The following SP4 variants were observed in gnomAD, a reference collection of about 807,000 sequenced individuals.
SP4 encodes the protein Sp4 transcription factor.
Under a neutral mutation model 72.8 loss-of-function variants are expected in SP4, and 19 were observed. The observed-to-expected ratio is 0.26, with a 90% CI of 0.18 to 0.38. The LOEUF is 0.38. Ranked by LOEUF, SP4 falls within the 10% of genes least tolerant of loss-of-function variation. The pLI, the probability that SP4 is intolerant of heterozygous loss-of-function variation, is 1.00. For synonymous variants in SP4, 395 were observed against 333.1 expected, an observed-to-expected ratio of 1.19 and a Z score of -2.02; for missense variants, 1,008 against 926.3, an observed-to-expected ratio of 1.09 and a Z score of -1.14.
intron 5 of SP4, among the ~76,000 whole-genome samples, chr7:21,500,830 C>T (rs1377702994): frequency 1.3e-5 from 2 of 152,182 alleles, no homozygotes; most frequent in Non-Finnish European, 2.9e-5. Flanking sequence ...CTATATTAAG[C>T]TCCATAACTT....
In SP4 at chr7:21,430,681, A is replaced by C; in HGVS notation, c.1516A>C (p.Thr506Pro). Residue 506 changes from threonine to proline, a missense_variant, in exon 3 of 6, where the codon ACT becomes CCT. By Grantham distance (38) the Thr-to-Pro change is conservative. Around this residue, in one of 3 missense-constraint regions of SP4, gnomAD observed 893 missense variants for 743.3 expected, o/e 1.20. Transcript: ENST00000222584. ...ITPVSSSGGT[T>P]LAQIAPVAVA... ...CCCAGTGTCTTCAAGTGGTGGCACA[A>C]CTCTTGCTCAGATTGCTCCTGTGGC... 6.2e-7 allele frequency: 1 copy of C among 1,614,110 alleles called. No individual in the cohort carries two copies. The highest frequency in any genetic ancestry group is 8.5e-7 in the Non-Finnish European group (1 of 1,180,022).
At chr7:21,464,580 T>C (rs1784108679) in intron 3 of SP4, among the ~76,000 whole-genome samples, 1 of 101,462 alleles carries the variant, frequency 9.9e-6, no homozygotes, top group African/African-American at 4.5e-5. Context: ...ATCTATTTTC[T>C]ATTTTTTTTT....
At chr7:21,493,537 G>C (rs1012058694) in intron 5 of SP4, among the ~76,000 whole-genome samples, 4 of 151,958 alleles carry the variant, frequency 2.6e-5, no homozygotes, top group Non-Finnish European at 5.9e-5. Context: ...AAATAATAAA[G>C]AGTAGAAATA....
At chr7:21,484,869 A>T (rs927656904) in intron 5 of SP4, among the ~76,000 whole-genome samples, 1 of 151,920 alleles carries the variant, frequency 6.6e-6, no homozygotes, top group East Asian at 1.9e-4. Flanking sequence ...AAGAATTTAT[A>T]TATACATATA....
intron 4 of SP4, among the ~76,000 whole-genome samples, chr7:21,480,638 G>A (rs1341661048): frequency 6.6e-6 from 1 of 152,118 alleles, no homozygotes; most frequent in East Asian, 1.9e-4. Context: ...CTAGCTAAAA[G>A]TTTGTTAGTT....
At chr7:21,448,944 A>G (rs2128397631) in intron 3 of SP4, among the ~76,000 whole-genome samples, 1 of 152,226 alleles carries the variant, frequency 6.6e-6, no homozygotes, top group Middle Eastern at 3.4e-3. Flanking sequence ...ATGCTTTGAC[A>G]TCTGAGGTCT....
At chr7:21,471,050 C>G (rs1344166122) in intron 3 of SP4, 1 of 533,964 alleles carries the variant, frequency 1.9e-6, no homozygotes, top group Admixed American at 1.9e-5. Context: ...GTGTTGGATT[C>G]CAGCTATATT....
At chr7:21,442,256 T>A (rs771126488) in intron 3 of SP4, among the ~76,000 whole-genome samples, 13 of 151,964 alleles carry the variant, frequency 8.6e-5, no homozygotes, top group Non-Finnish European at 1.5e-4. Context: ...GCCAGGCTGG[T>A]CTTGAACTCC....
At chr7:21,447,950 C>T (rs1194584539) in intron 3 of SP4, among the ~76,000 whole-genome samples, 1 of 152,144 alleles carries the variant, frequency 6.6e-6, no homozygotes, top group African/African-American at 2.4e-5. Flanking sequence ...TCCCAAAGTG[C>T]TGGGATTACA....
At chr7:21,430,926 A>G (rs1782829423) in intron 3 of SP4, 83 bp downstream of exon 3, 2 of 999,440 alleles carry the variant, frequency 2.0e-6, no homozygotes. Context: ...CTAAGGTTTG[A>G]CGTAGACCTC....
At chr7:21,484,431 A>G (rs1784762232) in intron 5 of SP4, among the ~76,000 whole-genome samples, 1 of 151,874 alleles carries the variant, frequency 6.6e-6, no homozygotes, top group Non-Finnish European at 1.5e-5. Context: ...TTTTGGAGCA[A>G]TTTGGATTTT....
rs533851794 is a variant in SP4, at chr7:21,496,738, C to T, written c.2108-14284C>T. Among the ~76,000 whole-genome samples the T allele has an allele frequency of 2.0e-5, 3 of 151,980 alleles. No individual in the cohort carries two copies. The South Asian group carries it at 6.2e-4, about 32-fold the overall frequency. On this transcript the variant is annotated intron_variant, in intron 5 of 5. Coordinates refer to ENST00000222584, the MANE Select transcript of SP4 (RefSeq NM_003112.5). ...ATTTTTCAAATATTCTTTCTTTAAACACCTTGGAACTAATGAGTCTCTCAG... is the reference window on the plus strand; with the variant it reads ...ATTTTTCAAATATTCTTTCTTTAAATACCTTGGAACTAATGAGTCTCTCAG...
rs748270268 is a variant in SP4, at chr7:21,511,128, T to C, written c.2214T>C (p.Ala738=). ...THQNKKGGGT[A]LAIVTSGELD... ...AGAATAAAAAAGGTGGTGGGACAGC[T>C]CTTGCCATTGTTACCTCGGGAGAAC... Residue 738 remains alanine (A), a synonymous_variant, in exon 6 of 6, where the codon GCT becomes GCC. Coordinates refer to ENST00000222584, the MANE Select transcript of SP4 (RefSeq NM_003112.5). 1.2e-6 allele frequency: 2 copies of C among 1,614,214 alleles called. No homozygotes were observed. The highest frequency in any genetic ancestry group is 2.2e-5 in the East Asian group (1 of 44,886).
intron 5 of SP4, among the ~76,000 whole-genome samples, chr7:21,509,099 G>A (rs1049458905): frequency 4.6e-5 from 7 of 151,734 alleles, no homozygotes; most frequent in Admixed American, 1.3e-4. Flanking sequence ...TGTTGGCTTC[G>A]TCAGAATGTT....
intron 3 of SP4, among the ~76,000 whole-genome samples, chr7:21,446,984 C>A (rs934468603): frequency 1.1e-4 from 16 of 152,130 alleles, no homozygotes; most frequent in Admixed American, 4.6e-4. Context: ...GAATATGGTT[C>A]ATTCACTAGC....
At chr7:21,508,731 T>C (rs867864254) in intron 5 of SP4, among the ~76,000 whole-genome samples, 1 of 151,720 alleles carries the variant, frequency 6.6e-6, no homozygotes, top group South Asian at 2.1e-4. Flanking sequence ...TGGAATAAGA[T>C]ACCAAGACCA....
chr7:21,430,219 G>T lies in SP4; in HGVS notation c.1054G>T (p.Ala352Ser). Residue 352 changes from alanine (A) to serine (S), a missense_variant, in exon 3 of 6, where the codon GCC (alanine) becomes TCC (serine). Coordinates refer to ENST00000222584, the MANE Select transcript of SP4 (RefSeq NM_003112.5). The part of the protein sequence containing the change: ...ADTGQYASTS[A>S]SSSERTIEES... Reference sequence around the variant, plus strand: ...TACTGGCCAGTATGCAAGCACATCAGCCAGTAGTTCTGAACGCACCATTGA... The same window carrying T: ...TACTGGCCAGTATGCAAGCACATCATCCAGTAGTTCTGAACGCACCATTGA... 1 of 1,614,178 alleles carries T rather than the reference G, an allele frequency of 6.2e-7. No homozygotes were observed. Among genetic ancestry groups the T allele is most frequent in the Non-Finnish European group, 8.5e-7 (1 of 1,180,032 alleles).
intron 4 of SP4, among the ~76,000 whole-genome samples, chr7:21,480,417 T>C (rs1277927003): frequency 1.3e-5 from 2 of 152,172 alleles, no homozygotes; most frequent in East Asian, 3.8e-4. Context: ...TGTAGGTGTA[T>C]TCTGATTGAT....
At chr7:21,486,131 A>C (rs748191309) in intron 5 of SP4, among the ~76,000 whole-genome samples, 1 of 145,286 alleles carries the variant, frequency 6.9e-6, no homozygotes, top group African/African-American at 2.5e-5. Context: ...TCACAGCTCT[A>C]TTTTCTTTCA....
Sources: gnomAD v4.1 joint callset for allele counts (sites outside exome capture counted in the v4.1 genomes callset) on GRCh38, gnomAD v4.1.1 for gene constraint, gnomAD v4.1.1 regional missense constraint, MANE v1.5 for transcripts, NCBI Gene and HGNC (gene_info 2026-07-23, HGNC 2026-07-21) for gene names.